MACROD2: variants seen among roughly 807,000 people sequenced by gnomAD.
MACROD2 encodes the protein ADP-ribose glycohydrolase MACROD2.
A neutral mutation model predicts 70.4 loss-of-function variants in MACROD2; 36 were observed. The observed-to-expected ratio is 0.51, with a 90% CI of 0.39 to 0.68. The LOEUF (loss-of-function observed/expected upper bound fraction) is 0.68. MACROD2 is among the 30% of genes least tolerant of loss of function. The pLI is 0.00. For synonymous variants in MACROD2, 172 were observed against 178.8 expected, an observed-to-expected ratio of 0.96 and a Z score of 0.30; for missense variants, 496 against 538.4, an observed-to-expected ratio of 0.92 and a Z score of 0.78.
chr20:14,092,885 A>G (rs1158947529), intron 3 of MACROD2, among the ~76,000 whole-genome samples: 1 of 152,184 alleles, frequency 6.6e-6, no homozygotes, highest in Non-Finnish European at 1.5e-5. Flanking sequence ...GAGGAAACGG[A>G]GGATATCTTC....
intron 3 of MACROD2, among the ~76,000 whole-genome samples, chr20:14,146,118 C>G (rs1036115560): frequency 1.3e-5 from 2 of 152,174 alleles, no homozygotes; most frequent in African/African-American, 4.8e-5. Flanking sequence ...GTCAGAAGAT[C>G]GAGACCATCC....
intron 4 of MACROD2, among the ~76,000 whole-genome samples, chr20:14,595,048 G>C (rs1040451587): frequency 3.9e-5 from 6 of 152,034 alleles, no homozygotes; most frequent in Non-Finnish European, 5.9e-5. Flanking sequence ...GCATAAAAAT[G>C]GGTCAAACCA....
chr20:15,609,712 T>G (rs1298875950), intron 8 of MACROD2, among the ~76,000 whole-genome samples: 1 of 152,232 alleles, frequency 6.6e-6, no homozygotes, highest in Non-Finnish European at 1.5e-5. Flanking sequence ...GCTACTGTTT[T>G]CATTGGTTTA....
chr20:15,196,736 C>T, intron 5 of MACROD2: 1 of 307,640 alleles, frequency 3.3e-6, no homozygotes, highest in Non-Finnish European at 4.7e-6. Context: ...AGAGGGAAAA[C>T]TGTGAAGAAG....
rs1328933755 is a variant in MACROD2 at position 15,537,742 on chromosome 20, G to A, written c.645+37895G>A. 2.0e-5 allele frequency among the ~76,000 whole-genome samples: 3 copies of A among 152,082 alleles called. No homozygotes were observed. The East Asian group carries it at 5.8e-4, about 29-fold the overall frequency. ...GCCCACCTTGGCCTCCCAAAGTGCT[G>A]GGATTACAGGCATGAGCCACCATGC... On this transcript the variant is annotated intron_variant, in intron 8 of 17. Transcript: ENST00000684519.
chr20:15,929,586 A>T (rs1473750949), intron 10 of MACROD2, among the ~76,000 whole-genome samples: 1 of 152,224 alleles, frequency 6.6e-6, no homozygotes, highest in Non-Finnish European at 1.5e-5. Context: ...ACAGCAGTAT[A>T]CCAGCAGGAA....
At chr20:15,348,006 C>A (rs2078185198) in intron 6 of MACROD2, among the ~76,000 whole-genome samples, 1 of 152,182 alleles carries the variant, frequency 6.6e-6, no homozygotes, top group African/African-American at 2.4e-5. Context: ...CTCACCAACC[C>A]CATTTCGCCT....
chr20:15,120,670 A>G (rs1360929826), intron 5 of MACROD2, among the ~76,000 whole-genome samples: 1 of 152,182 alleles, frequency 6.6e-6, no homozygotes, highest in East Asian at 1.9e-4. Flanking sequence ...TTAGACTTTT[A>G]TCCCTTCATG....
chr20:14,193,966 T>G (rs1221097587), intron 3 of MACROD2, among the ~76,000 whole-genome samples: 3 of 152,188 alleles, frequency 2.0e-5, no homozygotes, highest in African/African-American at 7.2e-5. Flanking sequence ...GGACAGAATT[T>G]TATTGGAAGA....
At chr20:15,314,712 A>G (rs1410827371) in intron 6 of MACROD2, among the ~76,000 whole-genome samples, 1 of 152,198 alleles carries the variant, frequency 6.6e-6, no homozygotes, top group Admixed American at 6.6e-5. Flanking sequence ...TATAGGGTCA[A>G]TGAACAACCT....
intron 6 of MACROD2, among the ~76,000 whole-genome samples, chr20:15,345,746 T>A (rs897863998): frequency 6.6e-6 from 1 of 152,206 alleles, no homozygotes; most frequent in Admixed American, 6.5e-5. Flanking sequence ...GCCATTGTAC[T>A]GGAAGGTGCA....
chr20:15,020,031 C>A (rs1231015772), intron 5 of MACROD2, among the ~76,000 whole-genome samples: 5 of 152,010 alleles, frequency 3.3e-5, no homozygotes, highest in Non-Finnish European at 4.4e-5. Context: ...TTAGTTTTCC[C>A]TGTCATCAAG....
intron 5 of MACROD2, among the ~76,000 whole-genome samples, chr20:15,179,766 A>G (rs1310000621): frequency 6.6e-6 from 1 of 152,228 alleles, no homozygotes. Flanking sequence ...GGCATTGCCA[A>G]GGTCATTCTT....
At chr20:15,037,785 G>T (rs982353207) in intron 5 of MACROD2, among the ~76,000 whole-genome samples, 10 of 151,910 alleles carry the variant, frequency 6.6e-5, no homozygotes, top group African/African-American at 1.9e-4. Flanking sequence ...CTATAAAATG[G>T]AAATTTTAAT....
intron 4 of MACROD2, among the ~76,000 whole-genome samples, chr20:14,582,574 A>G (rs1174572434): frequency 1.3e-5 from 2 of 152,168 alleles, no homozygotes; most frequent in Non-Finnish European, 2.9e-5. Flanking sequence ...ATTAAATGGA[A>G]TGGGAGAGAT....
At chr20:15,597,939 C>T (rs777007699) in intron 8 of MACROD2, among the ~76,000 whole-genome samples, 3 of 152,216 alleles carry the variant, frequency 2.0e-5, no homozygotes, top group Non-Finnish European at 2.9e-5. Flanking sequence ...ATTAGCCAGG[C>T]GTGGTGGTGG....
intron 3 of MACROD2, among the ~76,000 whole-genome samples, chr20:14,310,423 T>C (rs1266168591): frequency 6.6e-6 from 1 of 152,154 alleles, no homozygotes; most frequent in Non-Finnish European, 1.5e-5. Context: ...AAGATTATAA[T>C]GGAGCTGAAA....
chr20:15,149,211 T>G (rs1487691855), intron 5 of MACROD2, among the ~76,000 whole-genome samples: 1 of 152,020 alleles, frequency 6.6e-6, no homozygotes, highest in East Asian at 1.9e-4. Context: ...AGTAGTAGAA[T>G]AGCAGATGGA....
intron 4 of MACROD2, among the ~76,000 whole-genome samples, chr20:14,532,160 T>C (rs990050439): frequency 2.6e-5 from 4 of 151,990 alleles, no homozygotes; most frequent in Non-Finnish European, 5.9e-5. Flanking sequence ...TTAGTACCCA[T>C]GTTTCTTAGA....
Sources: gnomAD v4.1 joint callset for allele counts (sites outside exome capture counted in the v4.1 genomes callset) on GRCh38, gnomAD v4.1.1 for gene constraint, MANE v1.5 for transcripts, NCBI Gene and HGNC (gene_info 2026-07-23, HGNC 2026-07-21) for gene names.